Variants in ANAPC10 observed in about 807,000 individuals in gnomAD.
The protein encoded by ANAPC10 is anaphase promoting complex subunit 10, also known as anaphase-promoting complex subunit 10.
A neutral mutation model predicts 22.0 loss-of-function variants in ANAPC10; 12 were observed. The ratio of observed to expected loss-of-function variants is 0.55; its 90% CI spans 0.35 to 0.88. ANAPC10 has a LOEUF of 0.88. Ranked by LOEUF, ANAPC10 falls within the 40% of genes least tolerant of loss-of-function variation. The pLI, the probability that ANAPC10 is intolerant of heterozygous loss-of-function variation, is 0.01. For missense variants in ANAPC10, 188 were observed against 220.9 expected, an observed-to-expected ratio of 0.85 and a Z score of 0.94; for synonymous variants, 65 against 69.5, an observed-to-expected ratio of 0.94 and a Z score of 0.32.
chr4:145,024,523 T>C (rs776028479), intron 4 of ANAPC10, among the ~76,000 whole-genome samples: 1 of 152,226 alleles, frequency 6.6e-6, no homozygotes, highest in Non-Finnish European at 1.5e-5. Context: ...AATTTCCTTG[T>C]ACATCTCCAT....
At chr4:145,094,968 C>T (rs545361959) in intron 2 of ANAPC10, among the ~76,000 whole-genome samples, 39 of 151,988 alleles carry the variant, frequency 2.6e-4, no homozygotes, top group African/African-American at 8.0e-4. Flanking sequence ...ACTCATTTAT[C>T]CAATTGAGAG....
intron 3 of ANAPC10, among the ~76,000 whole-genome samples, chr4:145,069,004 G>T (rs749813688): frequency 6.6e-6 from 1 of 152,196 alleles, no homozygotes; most frequent in Non-Finnish European, 1.5e-5. Flanking sequence ...ACCATGTTTT[G>T]AAAGGATATA....
intron 3 of ANAPC10, among the ~76,000 whole-genome samples, chr4:145,067,675 C>T (rs937960445): frequency 3.3e-5 from 5 of 152,094 alleles, no homozygotes; most frequent in African/African-American, 9.7e-5. Flanking sequence ...ATATTTTGGC[C>T]GCCTCCTGCT....
At chr4:145,011,293 C>A (rs528756767) in intron 4 of ANAPC10, among the ~76,000 whole-genome samples, 3 of 149,792 alleles carry the variant, frequency 2.0e-5, no homozygotes, top group East Asian at 2.0e-4. Flanking sequence ...GCCAAGATTG[C>A]GCCACTGTAC....
At chr4:145,089,780 A>G (rs1234003167) in intron 2 of ANAPC10, among the ~76,000 whole-genome samples, 1 of 152,186 alleles carries the variant, frequency 6.6e-6, no homozygotes, top group African/African-American at 2.4e-5. Context: ...AAAATTTCTT[A>G]AAATTCTCCT....
chr4:145,072,158 A>G (rs1462026882), intron 3 of ANAPC10, among the ~76,000 whole-genome samples: 1 of 152,192 alleles, frequency 6.6e-6, no homozygotes, highest in Non-Finnish European at 1.5e-5. Flanking sequence ...GAACACTTCT[A>G]TTTCTAAAAT....
At chr4:145,044,235 T>C (rs1739946465) in intron 4 of ANAPC10, among the ~76,000 whole-genome samples, 1 of 152,082 alleles carries the variant, frequency 6.6e-6, no homozygotes, top group Admixed American at 6.6e-5. Flanking sequence ...TAGCAATGTG[T>C]TTGACAAAAA....
At chr4:145,086,936 A>G (rs2126628445) in intron 2 of ANAPC10, among the ~76,000 whole-genome samples, 1 of 151,762 alleles carries the variant, frequency 6.6e-6, no homozygotes, top group Non-Finnish European at 1.5e-5. Flanking sequence ...TTCTCTCCCC[A>G]CTCTCCATGG....
At chr4:145,019,898 A>G (rs2126980238) in intron 4 of ANAPC10, among the ~76,000 whole-genome samples, 1 of 152,212 alleles carries the variant, frequency 6.6e-6, no homozygotes, top group East Asian at 1.9e-4. Context: ...AGAATTAGAT[A>G]CCCTAAACAG....
chr4:145,006,604 T>G (rs562688793), intron 4 of ANAPC10, among the ~76,000 whole-genome samples: 1 of 152,274 alleles, frequency 6.6e-6, no homozygotes, highest in Non-Finnish European at 1.5e-5. Flanking sequence ...TCATATCAAA[T>G]TGTCATTTTT....
chr4:144,996,521 G>C (rs1731636018), intron 4 of ANAPC10, among the ~76,000 whole-genome samples: 1 of 152,120 alleles, frequency 6.6e-6, no homozygotes, highest in Non-Finnish European at 1.5e-5. Context: ...GAAATGAGAA[G>C]ACCACACTCC....
rs1740087130 is a variant in ANAPC10 at position 145,045,008 on chromosome 4, C to A, written c.327+19564G>T. On this transcript the variant is annotated intron_variant, in intron 4 of 4. Coordinates refer to ENST00000507656, the MANE Select transcript of ANAPC10 (RefSeq NM_001256706.2). ...TTAAAACAATAATCAGCTATTATGC[C>A]TACTTTTGCTTATATGTTTATACAA... Among the ~76,000 whole-genome samples the A allele has an allele frequency of 3.3e-5, 5 of 151,758 alleles. No individual in the cohort carries two copies. The South Asian group carries it at 1.0e-3, about 31-fold the overall frequency.
At chr4:145,061,345 T>C (rs1051847132) in intron 4 of ANAPC10, among the ~76,000 whole-genome samples, 1 of 152,124 alleles carries the variant, frequency 6.6e-6, no homozygotes, top group South Asian at 2.1e-4. Flanking sequence ...AAATTTACAA[T>C]AGAATACAAA....
At chr4:145,011,972 A>G (rs1288182028) in intron 4 of ANAPC10, among the ~76,000 whole-genome samples, 3 of 152,092 alleles carry the variant, frequency 2.0e-5, no homozygotes, top group African/African-American at 7.2e-5. Flanking sequence ...ACAGAACTAG[A>G]GAGAACCTTG....
In ANAPC10 at chr4:145,046,456, G is replaced by T. The variant is rs1006484835; in HGVS notation, c.327+18116C>A. 2.0e-5 allele frequency among the ~76,000 whole-genome samples: 3 copies of T among 151,904 alleles called. No homozygotes were observed. The East Asian group carries it at 5.8e-4, about 29-fold the overall frequency. On this transcript the variant is annotated intron_variant, in intron 4 of 4. Transcript: ENST00000507656. ...AAGCACAAACAATTTCAAGAACAGA[G>T]AACAAAATCAAAGGAAGTATCCACG...
chr4:145,042,114 T>A (rs1739604879), intron 4 of ANAPC10, among the ~76,000 whole-genome samples: 1 of 152,188 alleles, frequency 6.6e-6, no homozygotes, highest in African/African-American at 2.4e-5. Flanking sequence ...TGATGCTGTA[T>A]GAATCTGAAT....
At position 145,003,534 on chromosome 4, in the gene ANAPC10, G is replaced by C. The variant is rs570657010; in HGVS notation, c.328-7931C>G. Among the ~76,000 whole-genome samples the C allele has an allele frequency of 9.2e-5, 14 of 152,258 alleles. No individual in the cohort carries two copies. The East Asian group carries it at 2.7e-3, about 29-fold the overall frequency. ...ATTTTTGTATACAGTGTAAGGAAGG[G>C]ATCCAGTTTCAATCTTCTGCCTTTG... On this transcript the variant is annotated intron_variant, in intron 4 of 4. Transcript: ENST00000507656.
intron 3 of ANAPC10, among the ~76,000 whole-genome samples, chr4:145,076,174 CT>C (rs1052258259): frequency 6.6e-6 from 1 of 152,240 alleles, no homozygotes; most frequent in Non-Finnish European, 1.5e-5. Flanking sequence ...CCCCTGACTG[CT>C]TTGACTGCAC....
chr4:145,087,753 A>C (rs550056610), intron 2 of ANAPC10, among the ~76,000 whole-genome samples: 1 of 152,320 alleles, frequency 6.6e-6, no homozygotes, highest in South Asian at 2.1e-4. Flanking sequence ...TAGTACAACA[A>C]TAAAGAGATG....
Sources: gnomAD v4.1 joint callset for allele counts (sites outside exome capture counted in the v4.1 genomes callset) on GRCh38, gnomAD v4.1.1 for gene constraint, MANE v1.5 for transcripts, NCBI Gene and HGNC (gene_info 2026-07-23, HGNC 2026-07-21) for gene names.